Variants in UBE2E2 observed in about 807,000 individuals in gnomAD.
UBE2E2 encodes the protein ubiquitin-conjugating enzyme E2 E2.
Under a neutral mutation model 24.7 loss-of-function variants are expected in UBE2E2, and 6 were observed. The ratio of observed to expected loss-of-function variants is 0.24; its 90% CI spans 0.13 to 0.48. UBE2E2 has a LOEUF of 0.48. Ranked by LOEUF, UBE2E2 falls within the 20% of genes least tolerant of loss-of-function variation. The pLI is 0.99. For missense variants in UBE2E2, 169 were observed against 245.0 expected (o/e 0.69, Z 2.07); for synonymous variants, 104 against 83.6 (o/e 1.24, Z -1.33).
chr3:23,449,002 C>G (rs564181097), intron 3 of UBE2E2, among the ~76,000 whole-genome samples: 7 of 152,330 alleles, frequency 4.6e-5, no homozygotes, highest in Non-Finnish European at 7.3e-5. Flanking sequence ...TAATATCCAT[C>G]ATCCATAGAG....
chr3:23,358,512 T>A lies in UBE2E2; in HGVS notation c.228-141096T>A, dbSNP rs1696028798. 2.0e-5 allele frequency among the ~76,000 whole-genome samples: 3 copies of A among 152,326 alleles called. No individual in the cohort carries two copies. In the South Asian group the frequency reaches 6.2e-4, roughly 32 times the overall value. ...ATTAGTTTCTAACAGCTGCATCAAA[T>A]ATCAATAAGTACGTTTGCAAAAAAC... On this transcript the variant is annotated intron_variant, in intron 3 of 5. Coordinates refer to ENST00000396703, the MANE Select transcript of UBE2E2 (RefSeq NM_152653.4).
intron 3 of UBE2E2, among the ~76,000 whole-genome samples, chr3:23,355,386 G>A (rs1221794910): frequency 6.6e-6 from 1 of 151,750 alleles, no homozygotes; most frequent in Non-Finnish European, 1.5e-5. Flanking sequence ...AATAATGAAA[G>A]ACAAAAAAGA....
At chr3:23,556,743 T>C (rs1198873035) in intron 5 of UBE2E2, among the ~76,000 whole-genome samples, 1 of 152,202 alleles carries the variant, frequency 6.6e-6, no homozygotes. Flanking sequence ...AATCCAGCAT[T>C]TCTTCCCGTA....
intron 3 of UBE2E2, among the ~76,000 whole-genome samples, chr3:23,232,660 A>C (rs1417000998): frequency 6.6e-6 from 1 of 152,238 alleles, no homozygotes; most frequent in Non-Finnish European, 1.5e-5. Flanking sequence ...GAGCCGAGAA[A>C]TCTTAGGATT....
At chr3:23,528,137 A>C (rs1340638015) in intron 4 of UBE2E2, among the ~76,000 whole-genome samples, 1 of 152,208 alleles carries the variant, frequency 6.6e-6, no homozygotes, top group Non-Finnish European at 1.5e-5. Flanking sequence ...CCCAGCTAGC[A>C]TCAGAAAATT....
intron 2 of UBE2E2, among the ~76,000 whole-genome samples, chr3:23,214,480 G>A (rs1039478964): frequency 7.2e-5 from 11 of 151,776 alleles, no homozygotes; most frequent in African/African-American, 2.7e-4. Flanking sequence ...CGAATTTCTG[G>A]CCTCAAGTGA....
chr3:23,258,900 G>GAAAAAAAAAA (rs11333992), intron 3 of UBE2E2, among the ~76,000 whole-genome samples: 22 of 78,904 alleles, frequency 2.8e-4, no homozygotes, highest in Admixed American at 3.6e-4. Context: ...CTCAAAAAAA[G>GAAAAAAAAAA]AAAAAAAAAA....
chr3:23,520,708 T>G (rs2125474530), intron 4 of UBE2E2, among the ~76,000 whole-genome samples: 1 of 152,324 alleles, frequency 6.6e-6, no homozygotes, highest in Middle Eastern at 3.4e-3. Flanking sequence ...TATGGTGTAA[T>G]CATAGCTCAC....
chr3:23,399,072 A>G (rs1429257507), intron 3 of UBE2E2, among the ~76,000 whole-genome samples: 1 of 152,244 alleles, frequency 6.6e-6, no homozygotes, highest in Non-Finnish European at 1.5e-5. Flanking sequence ...CCACTCATGT[A>G]TTTAATGCCT....
chr3:23,356,974 C>T (rs755450775), intron 3 of UBE2E2, among the ~76,000 whole-genome samples: 2 of 152,194 alleles, frequency 1.3e-5, no homozygotes, highest in African/African-American at 2.4e-5. Flanking sequence ...TGACTGACTT[C>T]GTCTTGGTAG....
chr3:23,274,032 G>C (rs1371179639), intron 3 of UBE2E2: 3 of 152,186 alleles, frequency 2.0e-5, no homozygotes, highest in Non-Finnish European at 2.9e-5. Context: ...AAAAAATGCT[G>C]TTGATATAAG....
chr3:23,523,153 T>G (rs936203992), intron 4 of UBE2E2, among the ~76,000 whole-genome samples: 61 of 152,198 alleles, frequency 4.0e-4, no homozygotes, highest in African/African-American at 1.4e-3. Flanking sequence ...CCAGAAACAT[T>G]CTATATAAAC....
At chr3:23,468,009 G>A (rs1698959693) in intron 3 of UBE2E2, among the ~76,000 whole-genome samples, 1 of 152,118 alleles carries the variant, frequency 6.6e-6, no homozygotes, top group South Asian at 2.1e-4. Context: ...CTCCCACCAG[G>A]TCCCTCCTCC....
At chr3:23,463,609 T>C (rs1698858902) in intron 3 of UBE2E2, among the ~76,000 whole-genome samples, 1 of 152,122 alleles carries the variant, frequency 6.6e-6, no homozygotes, top group Non-Finnish European at 1.5e-5. Flanking sequence ...GGCCTCAAAG[T>C]AGCTTCTTGA....
chr3:23,350,165 A>G (rs1231066097), intron 3 of UBE2E2, among the ~76,000 whole-genome samples: 2 of 152,262 alleles, frequency 1.3e-5, no homozygotes, highest in African/African-American at 2.4e-5. Flanking sequence ...ACAGACCTGC[A>G]GCTGAGGGTC....
intron 3 of UBE2E2, among the ~76,000 whole-genome samples, chr3:23,388,676 A>G (rs1459132693): frequency 1.3e-5 from 2 of 152,056 alleles, no homozygotes; most frequent in African/African-American, 4.8e-5. Flanking sequence ...TTTAAATAGT[A>G]TTTTTTAAAA....
At chr3:23,513,902 T>C (rs1694668396) in intron 4 of UBE2E2, among the ~76,000 whole-genome samples, 1 of 152,254 alleles carries the variant, frequency 6.6e-6, no homozygotes, top group African/African-American at 2.4e-5. Flanking sequence ...TAGAAACCTA[T>C]GGATGTAGTA....
At chr3:23,473,877 A>G (rs1383720539) in intron 3 of UBE2E2, among the ~76,000 whole-genome samples, 1 of 152,068 alleles carries the variant, frequency 6.6e-6, no homozygotes, top group Non-Finnish European at 1.5e-5. Flanking sequence ...ATGTACAAGT[A>G]CCTTTTTCAT....
intron 5 of UBE2E2, among the ~76,000 whole-genome samples, chr3:23,553,585 G>C (rs1218122980): frequency 6.6e-6 from 1 of 151,976 alleles, no homozygotes; most frequent in Admixed American, 6.6e-5. Context: ...GAATGCCTCT[G>C]TTCCCTTTAT....
Sources: gnomAD v4.1 joint callset for allele counts (sites outside exome capture counted in the v4.1 genomes callset) on GRCh38, gnomAD v4.1.1 for gene constraint, MANE v1.5 for transcripts, NCBI Gene and HGNC (gene_info 2026-07-23, HGNC 2026-07-21) for gene names.